The following ARHGEF18 variants were observed in gnomAD, a reference collection of about 807,000 sequenced individuals.
ARHGEF18 encodes rho guanine nucleotide exchange factor 18.
In ARHGEF18, 93 loss-of-function variants were observed where a neutral mutation model predicts 155.7. The ratio of observed to expected loss-of-function variants is 0.60; its 90% CI spans 0.50 to 0.71. The LOEUF is 0.71. Among genes scored for constraint, ARHGEF18 ranks in the 30% least tolerant of loss-of-function variants. ARHGEF18 has a pLI of 0.00. For synonymous variants in ARHGEF18, 742 were observed against 753.1 expected, an observed-to-expected ratio of 0.99 and a Z score of 0.24; for missense variants, 1,593 against 1,816.1, an observed-to-expected ratio of 0.88 and a Z score of 2.23.
In ARHGEF18 at chr19:7,458,705, G is replaced by A. The variant is rs533478248; in HGVS notation, c.2360+15G>A. 5 of 1,600,854 alleles carry A rather than the reference G, an allele frequency of 3.1e-6. No homozygotes were observed. In the South Asian group the frequency reaches 5.5e-5, roughly 18 times the overall value. On this transcript the variant is annotated intron_variant, in intron 19 of 28. Transcript: ENST00000668164. ...GCTGTGGAGAGGTGAGGAGGGCCTG[G>A]GGGTCTCCCCACCCACTGTGTTCCT... is the stretch of plus-strand genomic sequence containing the variant.
intron 10 of ARHGEF18, among the ~76,000 whole-genome samples, chr19:7,394,603 C>G (rs542590464): frequency 1.3e-5 from 2 of 151,630 alleles, no homozygotes; most frequent in South Asian, 4.2e-4. Flanking sequence ...TGTCCTCCCT[C>G]GGGGTCCCCC....
At chr19:7,458,297 T>TAAAA (rs35712455) in intron 18 of ARHGEF18, among the ~76,000 whole-genome samples, 1 of 92,324 alleles carries the variant, frequency 1.1e-5, no homozygotes. Context: ...CAAGATAGTT[T>TAAAA]AAAAAAAAAA....
chr19:7,470,326 C>T lies in ARHGEF18; in HGVS notation c.*28C>T. Reference sequence around the variant, plus strand: ...GGGCCGTGACTCAAGGTGCAAGGCCCCTCCCTGCCCTGCCCACCCTTCCTG... The same window carrying T: ...GGGCCGTGACTCAAGGTGCAAGGCCTCTCCCTGCCCTGCCCACCCTTCCTG... On this transcript the variant is annotated 3_prime_UTR_variant, in exon 29 of 29. Transcript: ENST00000668164. This position sits in a 1 kb window ranked among gnomAD's most constrained non-coding sequence, Gnocchi z 5.9. The T allele has an allele frequency of 8.3e-6, 12 of 1,450,726 alleles. No individual in the cohort carries two copies. Among genetic ancestry groups the T allele is most frequent in the Non-Finnish European group, 1.0e-5 (11 of 1,097,128 alleles). The allele number at this position is 1,450,726 out of a possible 1,614,324, so 89.9% of individuals were successfully genotyped here.
intron 15 of ARHGEF18, 122 bp downstream of exon 15, chr19:7,447,290 A>C: frequency 1.1e-6 from 1 of 882,318 alleles, no homozygotes; most frequent in Non-Finnish European, 1.6e-6. Flanking sequence ...GGAGATCGAG[A>C]CCGTCCTGGC....
Position 7,372,887 on chromosome 19 carries a change from G to C in ARHGEF18, c.91G>C (p.Glu31Gln). 1 of 1,234,520 alleles carries C rather than the reference G, an allele frequency of 8.1e-7. No homozygotes were observed. The allele number at this position is 1,234,520 out of a possible 1,614,324, so 76.5% of individuals were successfully genotyped here. Residue 31 changes from glutamate to glutamine, a missense_variant, in exon 3 of 29, where the codon GAG becomes CAG. By Grantham distance (29) the Glu-to-Gln change is conservative. Transcript: ENST00000668164. The part of the protein sequence containing the change: ...SLDLGALQGS[E>Q]YLQDLGLGAP... The stretch of plus-strand genomic sequence containing the variant: ...GGATTTGGGGGCCCTTCAGGGCAGC[G>C]AGTATCTGCAGGACCTGGGCCTTGG...
intron 10 of ARHGEF18, among the ~76,000 whole-genome samples, chr19:7,394,059 T>C (rs3865461): frequency 0.43 from 64,964 of 150,798 alleles, 16,473 homozygotes; most frequent in African/African-American, 0.72. Context: ...TGCTCTGTTG[T>C]CCAGGCTGGA....
chr19:7,430,891 T>C (rs1460411282), intron 10 of ARHGEF18, among the ~76,000 whole-genome samples: 1 of 152,026 alleles, frequency 6.6e-6, no homozygotes, highest in African/African-American at 2.4e-5. Context: ...ACCTAAATGT[T>C]ATACTTCATA....
At chr19:7,390,297 A>G (rs1298006316) in intron 10 of ARHGEF18, among the ~76,000 whole-genome samples, 2 of 152,144 alleles carry the variant, frequency 1.3e-5, no homozygotes, top group East Asian at 1.9e-4. Context: ...ACTTGAGGTC[A>G]GGAGTTTGAG....
chr19:7,460,269 C>T (rs1176975181), intron 20 of ARHGEF18, among the ~76,000 whole-genome samples: 1 of 152,082 alleles, frequency 6.6e-6, no homozygotes, highest in Non-Finnish European at 1.5e-5. Flanking sequence ...CAGCCACACA[C>T]GCCACCACCA....
At chr19:7,439,812 A>C (rs964502871) in intron 10 of ARHGEF18, 46 of 1,436,166 alleles carry the variant, frequency 3.2e-5, no homozygotes, top group Non-Finnish European at 4.0e-5. Context: ...ATCTTAGACT[A>C]TTTACAGCAA....
intron 2 of ARHGEF18, among the ~76,000 whole-genome samples, chr19:7,366,734 TG>T (rs1969903760): frequency 6.6e-6 from 1 of 152,186 alleles, no homozygotes; most frequent in African/African-American, 2.4e-5. Flanking sequence ...GGAAGGGTCC[TG>T]ACTCCTGAAA....
chr19:7,386,487 C>A (rs1049354422), intron 10 of ARHGEF18, among the ~76,000 whole-genome samples: 1 of 151,944 alleles, frequency 6.6e-6, no homozygotes, highest in African/African-American at 2.4e-5. Context: ...AGGTGAGGAC[C>A]ACGGCTCTCC....
intron 10 of ARHGEF18, 188 bp downstream of exon 10, chr19:7,383,391 G>A (rs1266046970): frequency 2.0e-6 from 1 of 504,548 alleles, no homozygotes; most frequent in Admixed American, 4.4e-5. Flanking sequence ...GCTAACTCGG[G>A]ACTGGCAACA....
At chr19:7,416,392 C>T (rs1973007538) in intron 10 of ARHGEF18, among the ~76,000 whole-genome samples, 1 of 152,020 alleles carries the variant, frequency 6.6e-6, no homozygotes, top group South Asian at 2.1e-4. Flanking sequence ...CCAGCCTGGG[C>T]AGCAGAGACC....
intron 10 of ARHGEF18, among the ~76,000 whole-genome samples, chr19:7,414,763 C>G (rs984247067): frequency 7.3e-5 from 11 of 151,648 alleles, no homozygotes; most frequent in Admixed American, 6.6e-4. Context: ...GAGCTGAGAT[C>G]GCGCCATTGC....
chr19:7,448,302 G>A (rs1432406307), intron 15 of ARHGEF18, among the ~76,000 whole-genome samples: 5 of 152,132 alleles, frequency 3.3e-5, no homozygotes, highest in Non-Finnish European at 7.4e-5. Context: ...ATCACCTGAG[G>A]TCAGAAGTTC....
rs1257817399 is a variant in ARHGEF18, at chr19:7,395,126, C to T, written c.967+11923C>T. ...TGCGCTGCTCTCCTCGCGCGGCTTC[C>T]CGCTTCCGGCTCCCAGCTGCTAGCT... On this transcript the variant is annotated intron_variant, in intron 10 of 28. Transcript: ENST00000668164. This position sits in a 1 kb window ranked among gnomAD's most constrained non-coding sequence, Gnocchi z 5.0. 11 of 985,554 alleles carry T rather than the reference C, an allele frequency of 1.1e-5. No individual in the cohort carries two copies. Among genetic ancestry groups the T allele is most frequent in the Middle Eastern group, 1.0e-3 (2 of 1,918 alleles). The allele number at this position is 985,554 out of a possible 1,614,324, so 61.1% of individuals were successfully genotyped here.
intron 10 of ARHGEF18, among the ~76,000 whole-genome samples, chr19:7,427,937 C>T (rs1183198067): frequency 6.6e-6 from 1 of 151,712 alleles, no homozygotes; most frequent in South Asian, 2.1e-4. Context: ...GAGTGAGACT[C>T]TGTCTCAAAA....
chr19:7,360,479 G>A (rs1448680319), intron 1 of ARHGEF18, among the ~76,000 whole-genome samples: 13 of 152,154 alleles, frequency 8.5e-5, no homozygotes, highest in African/African-American at 2.6e-4. Flanking sequence ...CAAGTGATCC[G>A]CCTTCCTCGG....
Sources: gnomAD v4.1 joint callset for allele counts (sites outside exome capture counted in the v4.1 genomes callset) on GRCh38, gnomAD v4.1.1 for gene constraint, Gnocchi (gnomAD v3.1) non-coding constraint, MANE v1.5 for transcripts, NCBI Gene and HGNC (gene_info 2026-07-23, HGNC 2026-07-21) for gene names.